The following GMPPA variants were observed in gnomAD, a reference collection of about 807,000 sequenced individuals.
GMPPA encodes GDP-mannose pyrophosphorylase A, also known as mannose-1-phosphate guanylyltransferase regulatory subunit alpha.
A neutral mutation model predicts 58.6 loss-of-function variants in GMPPA; 46 were observed. The observed-to-expected ratio is 0.78, with a 90% CI of 0.62 to 1.00. The LOEUF is 1.00. Ranked by LOEUF, GMPPA falls within the 50% of genes least tolerant of loss-of-function variation. The pLI, the probability that GMPPA is intolerant of heterozygous loss-of-function variation, is 0.00. For synonymous variants in GMPPA, 211 were observed against 214.9 expected, an observed-to-expected ratio of 0.98 and a Z score of 0.16; for missense variants, 468 against 556.4, an observed-to-expected ratio of 0.84 and a Z score of 1.60.
At chr2:219,503,956 A>C in intron 6 of GMPPA, 127 bp from the exon 7 acceptor site, 3 of 964,724 alleles carry the variant, frequency 3.1e-6, no homozygotes, top group Non-Finnish European at 4.9e-6. Flanking sequence ...GCGGATGCGC[A>C]CTGCATTTTA....
At chr2:219,501,293 G>T (rs183266365) in intron 3 of GMPPA, 183 bp from the exon 4 acceptor site, 7 of 602,698 alleles carry the variant, frequency 1.2e-5, no homozygotes, top group Admixed American at 5.8e-5. Flanking sequence ...AAAAAGATCA[G>T]GCCTCCGACT....
chr2:219,502,148 C>A lies in GMPPA; in HGVS notation c.429+111C>A. ...CCCCGGGAGTTGGTGTGGGAGCTGG[C>A]GTCAGGAGGGAGATGCGCTGCTCTG... On this transcript the variant is annotated intron_variant, in intron 5 of 12. Transcript: ENST00000313597. This position sits in a 1 kb window ranked among gnomAD's most constrained non-coding sequence, Gnocchi z 4.0. 2 of 1,110,564 alleles carry A rather than the reference C, an allele frequency of 1.8e-6. No homozygotes were observed. Among genetic ancestry groups the A allele is most frequent in the Non-Finnish European group, 2.7e-6 (2 of 751,058 alleles). The allele number at this position is 1,110,564 out of a possible 1,614,324, so 68.8% of individuals were successfully genotyped here.
chr2:219,501,889 G>A lies in GMPPA; in HGVS notation c.281G>A (p.Gly94Asp). The change falls in exon 5 of 13, where the codon GGT becomes GAT. Residue 94 changes from glycine (G) to aspartate (D), a missense_variant. Physicochemically the swap from Gly to Asp is moderately conservative, Grantham distance 94 (BLOSUM62 -1). Transcript: ENST00000313597. ...QEFAPLGTGG[G>D]LYHFRDQILA... ...TTTGCCCCCCTAGGCACAGGGGGTG[G>A]TCTTTACCATTTTCGAGACCAGATC... The A allele has an allele frequency of 1.2e-6, 2 of 1,614,188 alleles. No individual in the cohort carries two copies. The highest frequency in any genetic ancestry group is 2.2e-5 in the South Asian group (2 of 91,086).
In GMPPA at chr2:219,502,336, G is replaced by A; in HGVS notation, c.430-46G>A. Reference sequence around the variant, plus strand: ...AAAGAAAGAAAAAACAGACGTGGCTGCCCTGGAGCAGGCGGGTCACTGTCT... The same window carrying A: ...AAAGAAAGAAAAAACAGACGTGGCTACCCTGGAGCAGGCGGGTCACTGTCT... On this transcript the variant is annotated intron_variant, in intron 5 of 12. Transcript: ENST00000313597. The surrounding 1 kb of genome is among the most constrained non-coding windows in gnomAD (Gnocchi z 4.0). 1 of 1,552,448 alleles carries A rather than the reference G, an allele frequency of 6.4e-7. No individual in the cohort carries two copies. Among genetic ancestry groups the A allele is most frequent in the Non-Finnish European group, 8.9e-7 (1 of 1,123,838 alleles).
At chr2:219,503,415 A>G (rs1694467469) in intron 6 of GMPPA, among the ~76,000 whole-genome samples, 1 of 152,156 alleles carries the variant, frequency 6.6e-6, no homozygotes, top group African/African-American at 2.4e-5. Context: ...ATGAGCCACC[A>G]CCATACCTGG....
Position 219,506,311 on chromosome 2 carries a change from G to A in GMPPA, c.1051G>A (p.Ala351Thr), listed in dbSNP as rs2125643590. The change falls in exon 12 of 13, where the codon GCC becomes ACC. Residue 351 changes from alanine to threonine, a missense_variant. By Grantham distance (58) the Ala-to-Thr change is moderately conservative. Transcript: ENST00000313597. Reference sequence around the variant, plus strand: ...CTGGGGGAGCACCGTGGGACGCTGGGCCCGCGTGGAGGGTACCCCCAGTGA... The same window carrying A: ...CTGGGGGAGCACCGTGGGACGCTGGACCCGCGTGGAGGGTACCCCCAGTGA... ...VGWGSTVGRW[A>T]RVEGTPSDPN... 1 of 1,613,894 alleles carries A rather than the reference G, an allele frequency of 6.2e-7. No homozygotes were observed. The highest frequency in any genetic ancestry group is 8.5e-7 in the Non-Finnish European group (1 of 1,179,908).
intron 7 of GMPPA, 76 bp from the exon 8 acceptor site, chr2:219,505,152 T>C: frequency 1.3e-6 from 2 of 1,504,854 alleles, no homozygotes; most frequent in Non-Finnish European, 1.8e-6. Flanking sequence ...CCTACTCCTG[T>C]CCCTGGGAGA....
At position 219,506,924 on chromosome 2, in the gene GMPPA, TG is replaced by T. The variant is rs1694615603; in HGVS notation, c.*128del. The T allele has an allele frequency of 1.1e-5, 7 of 646,696 alleles. No individual in the cohort carries two copies. The highest frequency in any genetic ancestry group is 8.9e-5 in the South Asian group (5 of 56,354). 40.1% of individuals were successfully genotyped at this position (646,696 alleles called of 1,614,324 possible). A position where few individuals can be genotyped will look rare whatever the true frequency, so the allele number is the denominator to read the frequency against. ...GATCGTCACATGCCGGGGAGCAATG[TG>T]GATGGCCTGGGGACTCCTGGGTTTT... On this transcript the variant is annotated 3_prime_UTR_variant, in exon 13 of 13. Transcript: ENST00000313597.
In GMPPA at chr2:219,506,294, G is replaced by A. The variant is rs923328395; in HGVS notation, c.1034G>A (p.Ser345Asn). The A allele has an allele frequency of 1.2e-6, 2 of 1,613,658 alleles. No homozygotes were observed. Among genetic ancestry groups the A allele is most frequent in the East Asian group, 2.2e-5 (1 of 44,864 alleles). Residue 345 changes from serine (S) to asparagine (N), a missense_variant, in exon 12 of 13, where the codon AGC becomes AAC. Transcript: ENST00000313597. ...CTGCATAGCATCGTGGGCTGGGGGA[G>A]CACCGTGGGACGCTGGGCCCGCGTG... Reference protein sequence around the residue: ...CVLHSIVGWGSTVGRWARVEG... With the variant: ...CVLHSIVGWGNTVGRWARVEG...
At chr2:219,504,667 G>A (rs1042835471) in intron 7 of GMPPA, 1 of 200,778 alleles carries the variant, frequency 5.0e-6, no homozygotes, top group African/African-American at 2.4e-5. Context: ...TCCCTTCTAG[G>A]GATCCTTGCC....
intron 7 of GMPPA, 90 bp downstream of exon 7, chr2:219,504,303 G>C (rs781380003): frequency 2.4e-6 from 3 of 1,270,034 alleles, no homozygotes; most frequent in Non-Finnish European, 2.2e-6. Flanking sequence ...ATCTCAACTT[G>C]CTCACCTTCC....
chr2:219,504,180 A>T lies in GMPPA; in HGVS notation c.587A>T (p.Asp196Val), dbSNP rs754834494. ...FSPEALKPLR[D>V]VFQRNQQDGQ... Reference sequence around the variant, plus strand: ...CCTGAAGCCTTGAAGCCTCTTCGGGATGTCTTCCAGCGTAATCAGCAGGAT... The same window carrying T: ...CCTGAAGCCTTGAAGCCTCTTCGGGTTGTCTTCCAGCGTAATCAGCAGGAT... Residue 196 changes from aspartate (D) to valine (V), a missense_variant, in exon 7 of 13, where the codon GAT becomes GTT. Transcript: ENST00000313597. 11 of 1,614,056 alleles carry T rather than the reference A, an allele frequency of 6.8e-6. No individual in the cohort carries two copies. The highest frequency in any genetic ancestry group is 8.5e-6 in the Non-Finnish European group (10 of 1,179,972).
chr2:219,499,531 T>C (rs977713271), intron 1 of GMPPA, among the ~76,000 whole-genome samples: 3 of 152,212 alleles, frequency 2.0e-5, no homozygotes, highest in Non-Finnish European at 2.9e-5. Flanking sequence ...GTTTCTGAAT[T>C]TGCAGAATTT....
At chr2:219,501,332 G>A (rs1447447786) in intron 3 of GMPPA, 144 bp from the exon 4 acceptor site, 3 of 656,634 alleles carry the variant, frequency 4.6e-6, no homozygotes, top group Non-Finnish European at 8.3e-6. Flanking sequence ...GTCCAGAGGA[G>A]AAAATAGCCC....
At chr2:219,501,725 A>G in intron 4 of GMPPA, 126 bp from the exon 5 acceptor site, 1 of 914,464 alleles carries the variant, frequency 1.1e-6, no homozygotes, top group Non-Finnish European at 1.8e-6. Context: ...CTCTGAGTAT[A>G]TAGAGTTTCT....
At chr2:219,500,056 G>C (rs765738451) in intron 2 of GMPPA, 41 bp downstream of exon 2, 1 of 1,608,026 alleles carries the variant, frequency 6.2e-7, no homozygotes. Context: ...TTGGGCTGGA[G>C]TGGTAGGCGG....
At chr2:219,501,046 C>A (rs1694371569) in intron 3 of GMPPA, 1 of 159,342 alleles carries the variant, frequency 6.3e-6, no homozygotes. Flanking sequence ...ATCAAGAGAC[C>A]CCTTCTCTAC....
chr2:219,501,662 G>T, intron 4 of GMPPA, 83 bp downstream of exon 4: 1 of 979,462 alleles, frequency 1.0e-6, no homozygotes, highest in South Asian at 1.3e-5. Flanking sequence ...GTCAGCATTT[G>T]CTGGAGTTCA....
intron 8 of GMPPA, 33 bp from the exon 9 acceptor site, chr2:219,505,424 AC>A: frequency 6.2e-7 from 1 of 1,600,622 alleles, no homozygotes; most frequent in Non-Finnish European, 8.5e-7. Context: ...GGCCCTGCTG[AC>A]CCCTGAGCCC....
Sources: allele counts gnomAD v4.1 joint callset (sites outside exome capture counted in the v4.1 genomes callset), GRCh38; gene constraint gnomAD v4.1.1; non-coding constraint Gnocchi (gnomAD v3.1); transcripts MANE v1.5; gene names NCBI Gene and HGNC (gene_info 2026-07-23, HGNC 2026-07-21).